GJB7: variants seen among roughly 807,000 people sequenced by gnomAD.
GJB7 encodes the protein gap junction protein beta 7.
For synonymous variants in GJB7, 87 were observed against 95.2 expected, an observed-to-expected ratio of 0.91 and a Z score of 0.50; for missense variants, 253 against 256.8, an observed-to-expected ratio of 0.99 and a Z score of 0.10.
intron 1 of GJB7, among the ~76,000 whole-genome samples, chr6:87,328,884 C>T (rs1354978813): frequency 2.6e-5 from 4 of 152,230 alleles, no homozygotes; most frequent in Admixed American, 6.5e-5. Flanking sequence ...TCTCAGACTG[C>T]TGTGCTAGCA....
At chr6:87,300,577 C>T (rs926871221) in intron 2 of GJB7, 1 of 154,116 alleles carries the variant, frequency 6.5e-6, no homozygotes, top group Non-Finnish European at 1.5e-5. Context: ...ATCACTATAA[C>T]CATCAGTTAC....
At chr6:87,327,104 G>A (rs566641855) in intron 1 of GJB7, among the ~76,000 whole-genome samples, 1 of 150,760 alleles carries the variant, frequency 6.6e-6, no homozygotes, top group African/African-American at 2.4e-5. Context: ...GCTTTTTTTT[G>A]TTTTCCATTT....
chr6:87,293,468 T>G (rs529695433), intron 2 of GJB7, among the ~76,000 whole-genome samples: 89 of 152,282 alleles, frequency 5.8e-4, no homozygotes, highest in East Asian at 2.7e-3. Context: ...TTTTGTTTTT[T>G]TTTTACAGAG....
At chr6:87,299,733 G>C (rs1265985445) in intron 2 of GJB7, 2 of 158,972 alleles carry the variant, frequency 1.3e-5, no homozygotes, top group Non-Finnish European at 2.7e-5. Context: ...TTAGTGAAGA[G>C]GGGTTAGCCC....
At chr6:87,295,598 T>C (rs994351808) in intron 2 of GJB7, among the ~76,000 whole-genome samples, 5 of 152,190 alleles carry the variant, frequency 3.3e-5, no homozygotes, top group South Asian at 2.1e-4. Context: ...TTTAGCACCA[T>C]TTCTATATCT....
At chr6:87,322,271 A>T (rs1776678619) in intron 2 of GJB7, 1 of 152,200 alleles carries the variant, frequency 6.6e-6, no homozygotes, top group South Asian at 2.1e-4. Flanking sequence ...AATGCTTTCC[A>T]CTTTCATGAA....
At chr6:87,300,754 C>T (rs1776309213) in intron 2 of GJB7, among the ~76,000 whole-genome samples, 1 of 152,224 alleles carries the variant, frequency 6.6e-6, no homozygotes, top group Non-Finnish European at 1.5e-5. Flanking sequence ...GGTATTTTTA[C>T]TACTATTCTA....
intron 2 of GJB7, among the ~76,000 whole-genome samples, chr6:87,289,829 G>A (rs150605424): frequency 1.9e-3 from 293 of 152,294 alleles, no homozygotes; most frequent in Middle Eastern, 3.4e-3. Flanking sequence ...TGGCCTCTGG[G>A]AGGAAGACAG....
intron 2 of GJB7, among the ~76,000 whole-genome samples, chr6:87,301,154 G>A (rs980755467): frequency 2.0e-5 from 3 of 152,160 alleles, no homozygotes; most frequent in Admixed American, 1.3e-4. Context: ...ACCGAGTTCA[G>A]CTCACTGGGG....
At chr6:87,297,111 C>T (rs1413474181) in intron 2 of GJB7, among the ~76,000 whole-genome samples, 1 of 152,218 alleles carries the variant, frequency 6.6e-6, no homozygotes, top group African/African-American at 2.4e-5. Context: ...TGCACTTCCC[C>T]TCCTGTTAGA....
chr6:87,307,296 A>T (rs945824440), intron 2 of GJB7, among the ~76,000 whole-genome samples: 1 of 152,082 alleles, frequency 6.6e-6, no homozygotes, highest in Non-Finnish European at 1.5e-5. Flanking sequence ...AGGCAATACC[A>T]TTCAGGACAT....
chr6:87,320,586 C>T (rs570129073), intron 2 of GJB7, among the ~76,000 whole-genome samples: 79 of 152,236 alleles, frequency 5.2e-4, no homozygotes, highest in African/African-American at 1.8e-3. Context: ...CCAAGGTGGT[C>T]GGGCTACAGC....
intron 1 of GJB7, among the ~76,000 whole-genome samples, chr6:87,325,577 T>A (rs1776797910): frequency 6.6e-6 from 1 of 150,702 alleles, no homozygotes; most frequent in Non-Finnish European, 1.5e-5. Flanking sequence ...TTTATTGATT[T>A]GCATATATTG....
chr6:87,290,606 G>C (rs773325566), intron 2 of GJB7, among the ~76,000 whole-genome samples: 2 of 152,138 alleles, frequency 1.3e-5, no homozygotes, highest in Non-Finnish European at 2.9e-5. Context: ...AAGCAAAAAA[G>C]CTGAATGACC....
intron 2 of GJB7, among the ~76,000 whole-genome samples, chr6:87,322,045 T>C (rs2127912242): frequency 6.6e-6 from 1 of 152,226 alleles, no homozygotes; most frequent in South Asian, 2.1e-4. Flanking sequence ...ACCACATCAG[T>C]TTTCACGTGT....
chr6:87,298,087 T>G (rs983094067), intron 2 of GJB7, among the ~76,000 whole-genome samples: 1 of 152,216 alleles, frequency 6.6e-6, no homozygotes, highest in African/African-American at 2.4e-5. Context: ...TCAAAGGGAA[T>G]GGAGGGCTCT....
At position 87,285,722 on chromosome 6, in the gene GJB7, G is replaced by A. The variant is rs375271615; in HGVS notation, c.-27-783C>T. On this transcript the variant is annotated intron_variant, in intron 2 of 2. Transcript: ENST00000525899. The stretch of plus-strand genomic sequence containing the variant: ...TCTCAGTATACAAATATGCTTAAGT[G>A]TTGTCCATTTTTAGTGGGGGAGAGG... Among the ~76,000 whole-genome samples the A allele has an allele frequency of 4.6e-5, 7 of 152,218 alleles. No homozygotes were observed. In the East Asian group the frequency reaches 1.2e-3, roughly 25 times the overall value.
At chr6:87,299,299 G>A in intron 2 of GJB7, 2 of 483,068 alleles carry the variant, frequency 4.1e-6, no homozygotes, top group Non-Finnish European at 8.4e-6. Context: ...CAAAGAAATT[G>A]TCAACATCAT....
At chr6:87,292,751 T>G (rs1776195934) in intron 2 of GJB7, among the ~76,000 whole-genome samples, 1 of 152,230 alleles carries the variant, frequency 6.6e-6, no homozygotes. Context: ...GGTATGAAAT[T>G]TAACACCTTC....
Sources: gnomAD v4.1 joint callset for allele counts (sites outside exome capture counted in the v4.1 genomes callset) on GRCh38, gnomAD v4.1.1 for gene constraint, MANE v1.5 for transcripts, NCBI Gene and HGNC (gene_info 2026-07-23, HGNC 2026-07-21) for gene names.